Variants in DISC1 observed in about 807,000 individuals in gnomAD.
DISC1 encodes the protein DISC1 scaffold protein.
DISC1 carries 57 observed loss-of-function variants against 84.5 expected under a neutral mutation model. That is an observed-to-expected ratio of 0.67 (90% confidence interval 0.55 to 0.84). The LOEUF (loss-of-function observed/expected upper bound fraction) is 0.84, where lower values mean the gene tolerates loss of function less well. Ranked by LOEUF, DISC1 falls within the 40% of genes least tolerant of loss-of-function variation. The pLI, the probability that DISC1 is intolerant of heterozygous loss-of-function variation, is 0.00. For missense variants in DISC1, 1,000 were observed against 1,057.8 expected (o/e 0.95, Z 0.76); for synonymous variants, 411 against 415.2 (o/e 0.99, Z 0.12).
At chr1:231,752,697 C>T (rs1455386555) in intron 4 of DISC1, among the ~76,000 whole-genome samples, 1 of 152,210 alleles carries the variant, frequency 6.6e-6, no homozygotes, top group African/African-American at 2.4e-5. Flanking sequence ...TCATTTCCAG[C>T]ATTAACTCAA....
chr1:231,898,985 A>G (rs1367046409), intron 9 of DISC1, among the ~76,000 whole-genome samples: 1 of 150,466 alleles, frequency 6.6e-6, no homozygotes, highest in Non-Finnish European at 1.5e-5. Flanking sequence ...ACAAAAAACA[A>G]AAAAAAAAGA....
intron 8 of DISC1, among the ~76,000 whole-genome samples, chr1:231,815,477 G>A (rs773089201): frequency 6.6e-6 from 1 of 152,122 alleles, no homozygotes; most frequent in Admixed American, 6.6e-5. Flanking sequence ...GGTGGCTCAC[G>A]CCTGTAATCC....
intron 10 of DISC1, among the ~76,000 whole-genome samples, chr1:231,978,570 T>G (rs939756622): frequency 2.0e-5 from 3 of 152,204 alleles, no homozygotes; most frequent in Non-Finnish European, 4.4e-5. Context: ...AGTGTTTGTG[T>G]ATGAATGTAT....
chr1:231,869,851 G>C (rs895149001), intron 9 of DISC1, among the ~76,000 whole-genome samples: 7 of 152,220 alleles, frequency 4.6e-5, no homozygotes, highest in Non-Finnish European at 8.8e-5. Flanking sequence ...TTTGGGCCTT[G>C]GTTCCTGAGA....
At chr1:231,945,769 G>A (rs2126143597) in intron 9 of DISC1, among the ~76,000 whole-genome samples, 1 of 152,252 alleles carries the variant, frequency 6.6e-6, no homozygotes, top group East Asian at 1.9e-4. Flanking sequence ...AATAAAAAAT[G>A]ATAAAGGGGA....
chr1:232,008,200 T>C (rs821615), intron 10 of DISC1, among the ~76,000 whole-genome samples: 43,050 of 152,068 alleles, frequency 0.28, 6,373 homozygotes, highest in African/African-American at 0.33. Context: ...AGTTACAAGC[T>C]CTGCCCTCAG....
intron 1 of DISC1, among the ~76,000 whole-genome samples, chr1:231,688,090 T>C (rs1419642203): frequency 1.3e-5 from 2 of 152,180 alleles, no homozygotes. Context: ...TAAGGATTAA[T>C]TAGATTTTAC....
In DISC1 at chr1:231,897,689, A is replaced by AT. The variant is rs1388437507; in HGVS notation, c.1982-61139_1982-61138insT. 3.3e-5 allele frequency among the ~76,000 whole-genome samples: 5 copies of AT among 152,202 alleles called. No homozygotes were observed. The highest frequency in any genetic ancestry group is 6.5e-5 in the Admixed American group (1 of 15,276). ...GCTGGTCACCGTGTGCTGTTGTAGT[A>AT]ACAGGGCCTCCTGGTGCATTGAAAC... On this transcript the variant is annotated intron_variant, in intron 9 of 12. Coordinates refer to ENST00000439617, the MANE Select transcript of DISC1 (RefSeq NM_018662.3). This position sits in a 1 kb window ranked among gnomAD's most constrained non-coding sequence, Gnocchi z 4.5.
rs1670021835 is a variant in DISC1, at chr1:232,031,321, A to AAACGG, written c.2425+4771_2425+4772insCGGAA. Among the ~76,000 whole-genome samples the AAACGG allele has an allele frequency of 6.9e-6, 1 of 144,200 alleles. No homozygotes were observed. The highest frequency in any genetic ancestry group is 2.2e-4 in the South Asian group (1 of 4,604). The allele number at this position is 144,200 out of a possible 152,430, so 94.6% of individuals were successfully genotyped here. On this transcript the variant is annotated intron_variant, in intron 12 of 12. Coordinates refer to ENST00000439617, the MANE Select transcript of DISC1 (RefSeq NM_018662.3). This position sits in a 1 kb window ranked among gnomAD's most constrained non-coding sequence, Gnocchi z 4.6. Reference sequence around the variant, plus strand: ...GAAGGAAGGAGAGAGGGAAGGAGAGAAAAGGAAAGGAAAAGGAAAAGAGGA... The same window carrying AAACGG: ...GAAGGAAGGAGAGAGGGAAGGAGAGAAACGGAAAGGAAAGGAAAAGGAAAAGAGGA...
intron 11 of DISC1, among the ~76,000 whole-genome samples, chr1:232,013,774 C>T (rs821634): frequency 2.4e-4 from 37 of 151,938 alleles, no homozygotes; most frequent in African/African-American, 8.2e-4. Flanking sequence ...GGTATGGGGC[C>T]GGACTCCTCT....
At chr1:231,772,764 C>T (rs568503799) in intron 6 of DISC1, among the ~76,000 whole-genome samples, 3 of 152,172 alleles carry the variant, frequency 2.0e-5, no homozygotes, top group Non-Finnish European at 4.4e-5. Flanking sequence ...TTCTGTCTTC[C>T]ACATGTATCA....
At chr1:231,862,196 G>A (rs1173456939) in intron 9 of DISC1, among the ~76,000 whole-genome samples, 1 of 152,180 alleles carries the variant, frequency 6.6e-6, no homozygotes, top group African/African-American at 2.4e-5. Context: ...TGTAGAGTAG[G>A]TGGTGTTATA....
At chr1:231,755,240 T>C (rs1027417959) in intron 4 of DISC1, among the ~76,000 whole-genome samples, 61 of 151,880 alleles carry the variant, frequency 4.0e-4, no homozygotes, top group Non-Finnish European at 1.5e-4. Flanking sequence ...AGAGTCTCAC[T>C]CTATTGGCCA....
chr1:231,786,110 G>A (rs190414619), intron 6 of DISC1, among the ~76,000 whole-genome samples: 4 of 151,834 alleles, frequency 2.6e-5, no homozygotes, highest in Non-Finnish European at 2.9e-5. Context: ...GTATATTTCT[G>A]TCTCTATTAT....
intron 6 of DISC1, among the ~76,000 whole-genome samples, chr1:231,787,075 A>T (rs989786169): frequency 3.3e-5 from 5 of 152,144 alleles, no homozygotes; most frequent in African/African-American, 1.2e-4. Flanking sequence ...AGTATTACTA[A>T]GAGAGGGTGT....
In DISC1 at chr1:231,849,722, T is replaced by A. The variant is rs1319918800; in HGVS notation, c.1981+31205T>A. 2.0e-5 allele frequency among the ~76,000 whole-genome samples: 3 copies of A among 152,336 alleles called. No individual in the cohort carries two copies. The East Asian group carries it at 5.8e-4, about 29-fold the overall frequency. ...AATTGTGAGTTATTATACAAGCTCG[T>A]GAAAGAGTCGGATACCTTTTCTGAT... is the stretch of plus-strand genomic sequence containing the variant. On this transcript the variant is annotated intron_variant, in intron 9 of 12. Transcript: ENST00000439617.
rs2087766476 is a variant in DISC1, at chr1:231,897,253, G to A, written c.1982-61575G>A. 6.6e-6 allele frequency among the ~76,000 whole-genome samples: 1 copy of A among 152,152 alleles called. No homozygotes were observed. The highest frequency in any genetic ancestry group is 1.5e-5 in the Non-Finnish European group (1 of 68,016). On this transcript the variant is annotated intron_variant, in intron 9 of 12. Transcript: ENST00000439617. The surrounding 1 kb of genome is among the most constrained non-coding windows in gnomAD (Gnocchi z 4.5). Reference sequence around the variant, plus strand: ...AGCCAAACCTCGGTGAACTGACTTGGGTACGCTTCTGCCAGAATAAGAAGA... The same window carrying A: ...AGCCAAACCTCGGTGAACTGACTTGAGTACGCTTCTGCCAGAATAAGAAGA...
chr1:231,708,723 G>T (rs1329451476), intron 3 of DISC1, among the ~76,000 whole-genome samples: 1 of 152,182 alleles, frequency 6.6e-6, no homozygotes, highest in Non-Finnish European at 1.5e-5. Flanking sequence ...AGAGCATTTT[G>T]TGTCCCACTG....
intron 12 of DISC1, among the ~76,000 whole-genome samples, chr1:232,030,026 A>G (rs1290492177): frequency 6.6e-6 from 1 of 152,200 alleles, no homozygotes; most frequent in East Asian, 1.9e-4. Flanking sequence ...ACCAAAGAAC[A>G]ACACAAACCC....
Sources: allele counts gnomAD v4.1 joint callset (sites outside exome capture counted in the v4.1 genomes callset), GRCh38; gene constraint gnomAD v4.1.1; non-coding constraint Gnocchi (gnomAD v3.1); transcripts MANE v1.5; gene names NCBI Gene and HGNC (gene_info 2026-07-23, HGNC 2026-07-21).